Variants in ZFPM2 observed in about 807,000 individuals in gnomAD.
ZFPM2 encodes the protein zinc finger protein ZFPM2.
ZFPM2 carries 20 observed loss-of-function variants against 98.6 expected under a neutral mutation model. The observed-to-expected ratio is 0.20, with a 90% CI of 0.14 to 0.29. ZFPM2 has a LOEUF of 0.29. Among genes scored for constraint, ZFPM2 ranks in the 10% least tolerant of loss-of-function variants. The probability of loss-of-function intolerance (pLI) is 1.00; values close to 1 mark genes in which losing one functional copy is unlikely to be tolerated. For synonymous variants in ZFPM2, 518 were observed against 502.7 expected (o/e 1.03, Z -0.41); for missense variants, 1,310 against 1,388.6 (o/e 0.94, Z 0.90).
chr8:105,553,979 C>T (rs1765897168), intron 3 of ZFPM2, among the ~76,000 whole-genome samples: 1 of 152,146 alleles, frequency 6.6e-6, no homozygotes, highest in South Asian at 2.1e-4. Context: ...GATAAGATCA[C>T]TGCATGGCCA....
intron 1 of ZFPM2, among the ~76,000 whole-genome samples, chr8:105,409,453 C>T (rs1312880303): frequency 6.6e-6 from 1 of 151,830 alleles, no homozygotes; most frequent in Non-Finnish European, 1.5e-5. Context: ...TTGCTGGACT[C>T]TCTGATGTTA....
In ZFPM2 at chr8:105,732,818, A is replaced by G. The variant is rs373160093; in HGVS notation, c.533-55900A>G. ...TTCCTTTATGATTAAACGTTTATGG[A>G]GAAAAAATTCATCCTAGGAGAGGGA... On this transcript the variant is annotated intron_variant, in intron 5 of 7. Transcript: ENST00000407775. Among the ~76,000 whole-genome samples, 4 of 151,808 alleles carry G rather than the reference A, an allele frequency of 2.6e-5. No homozygotes were observed. The East Asian group carries it at 7.8e-4, about 30-fold the overall frequency.
At chr8:105,672,618 C>G (rs1044441859) in intron 5 of ZFPM2, among the ~76,000 whole-genome samples, 11 of 152,046 alleles carry the variant, frequency 7.2e-5, no homozygotes, top group Non-Finnish European at 1.0e-4. Context: ...GATCATCTTT[C>G]TCATGACTTT....
At chr8:105,323,387 C>T (rs1016341032) in intron 1 of ZFPM2, among the ~76,000 whole-genome samples, 1 of 151,318 alleles carries the variant, frequency 6.6e-6, no homozygotes, top group Non-Finnish European at 1.5e-5. Context: ...CAAAATAATT[C>T]TTCTCTTTGG....
intron 1 of ZFPM2, among the ~76,000 whole-genome samples, chr8:105,380,748 G>A (rs7015781): frequency 0.84 from 16,304 of 19,326 alleles, 7,002 homozygotes; most frequent in East Asian, 0.96. Flanking sequence ...ATATATATAT[G>A]TTATATATAA....
chr8:105,563,434 C>A (rs1016031032), intron 4 of ZFPM2, among the ~76,000 whole-genome samples: 2 of 152,110 alleles, frequency 1.3e-5, no homozygotes, highest in African/African-American at 4.8e-5. Context: ...TAGGGGTTTT[C>A]ACATACATTT....
chr8:105,401,251 TCTTC>T (rs138271159), intron 1 of ZFPM2, among the ~76,000 whole-genome samples: 50,732 of 151,484 alleles, frequency 0.33, 9,973 homozygotes, highest in African/African-American at 0.55. Flanking sequence ...AGTTTTACAT[TCTTC>T]CTTCAGTCAT....
intron 5 of ZFPM2, among the ~76,000 whole-genome samples, chr8:105,771,259 T>G (rs1315389285): frequency 6.6e-6 from 1 of 152,110 alleles, no homozygotes; most frequent in East Asian, 1.9e-4. Context: ...TTTCCTTTAC[T>G]TAACACTCAT....
At chr8:105,642,287 A>T (rs12676076) in intron 5 of ZFPM2, among the ~76,000 whole-genome samples, 1 of 152,174 alleles carries the variant, frequency 6.6e-6, no homozygotes, top group South Asian at 2.1e-4. Context: ...TAAAAACTGT[A>T]TGCACAGGAA....
chr8:105,523,334 T>G (rs1428949694), intron 3 of ZFPM2, among the ~76,000 whole-genome samples: 1 of 152,210 alleles, frequency 6.6e-6, no homozygotes, highest in African/African-American at 2.4e-5. Context: ...ACTTGATGTC[T>G]ATTAGGAAAT....
At chr8:105,558,011 C>T (rs1246212752) in intron 3 of ZFPM2, among the ~76,000 whole-genome samples, 1 of 152,130 alleles carries the variant, frequency 6.6e-6, no homozygotes, top group Non-Finnish European at 1.5e-5. Context: ...ACCAAACACT[C>T]AGGAAAGATA....
intron 3 of ZFPM2, among the ~76,000 whole-genome samples, chr8:105,452,057 A>G (rs903709919): frequency 6.6e-6 from 1 of 152,172 alleles, no homozygotes; most frequent in African/African-American, 2.4e-5. Flanking sequence ...AAGAAACTTC[A>G]CTTAAATAGC....
At chr8:105,722,962 T>TTGAATAATC (rs1811704406) in intron 5 of ZFPM2, among the ~76,000 whole-genome samples, 1 of 151,914 alleles carries the variant, frequency 6.6e-6, no homozygotes, top group African/African-American at 2.4e-5. Flanking sequence ...CAAAGTGGTC[T>TTGAATAATC]TGAATAATCG....
At chr8:105,533,628 C>T (rs1203762965) in intron 3 of ZFPM2, among the ~76,000 whole-genome samples, 2 of 151,794 alleles carry the variant, frequency 1.3e-5, no homozygotes, top group Non-Finnish European at 2.9e-5. Context: ...AGTATTACTC[C>T]TTAGGCCCTT....
At chr8:105,756,314 G>A (rs895225543) in intron 5 of ZFPM2, among the ~76,000 whole-genome samples, 1 of 152,196 alleles carries the variant, frequency 6.6e-6, no homozygotes, top group African/African-American at 2.4e-5. Context: ...CTTCTCAGGG[G>A]TTGCCTGTAC....
At chr8:105,722,659 A>G (rs1450101335) in intron 5 of ZFPM2, among the ~76,000 whole-genome samples, 3 of 151,918 alleles carry the variant, frequency 2.0e-5, no homozygotes, top group Non-Finnish European at 4.4e-5. Flanking sequence ...GAAGTGGGTC[A>G]TCATAAAGGG....
intron 5 of ZFPM2, among the ~76,000 whole-genome samples, chr8:105,693,732 T>C (rs963331316): frequency 2.0e-5 from 3 of 152,134 alleles, no homozygotes; most frequent in Admixed American, 2.0e-4. Flanking sequence ...ATCTTTTAAA[T>C]GGTGTATTAT....
intron 1 of ZFPM2, among the ~76,000 whole-genome samples, chr8:105,373,533 A>G (rs1223497861): frequency 6.6e-6 from 1 of 152,216 alleles, no homozygotes; most frequent in Non-Finnish European, 1.5e-5. Flanking sequence ...TCATCATTAC[A>G]GATTATGTAG....
chr8:105,492,366 C>G (rs1813372198), intron 3 of ZFPM2, among the ~76,000 whole-genome samples: 1 of 152,060 alleles, frequency 6.6e-6, no homozygotes, highest in South Asian at 2.1e-4. Flanking sequence ...GTAATTGCTG[C>G]CAAAATCCCA....
Sources: allele counts gnomAD v4.1 joint callset (sites outside exome capture counted in the v4.1 genomes callset), GRCh38; gene constraint gnomAD v4.1.1; transcripts MANE v1.5; gene names NCBI Gene and HGNC (gene_info 2026-07-23, HGNC 2026-07-21).